CCDC171: variants seen among roughly 807,000 people sequenced by gnomAD.
CCDC171 encodes the protein coiled-coil domain-containing protein 171.
In CCDC171, 177 loss-of-function variants were observed where a neutral mutation model predicts 168.2. The observed-to-expected ratio is 1.05, with a 90% CI of 0.93 to 1.19. The LOEUF (loss-of-function observed/expected upper bound fraction) is 1.19. Ranked by LOEUF, CCDC171 falls within the 50% of genes most tolerant of loss-of-function variation. The probability of loss-of-function intolerance (pLI) is 0.00; values close to 1 mark genes in which losing one functional copy is unlikely to be tolerated. For synonymous variants in CCDC171, 687 were observed against 540.8 expected (o/e 1.27, Z -3.75); for missense variants, 1,991 against 1,539.0 (o/e 1.29, Z -4.91).
chr9:16,001,263 T>C (rs768740700), intron 3 of CCDC171, among the ~76,000 whole-genome samples: 2 of 152,122 alleles, frequency 1.3e-5, no homozygotes, highest in Admixed American at 6.6e-5. Context: ...AAAATTTATC[T>C]GTGACCAAAT....
chr9:15,752,756 G>C (rs2055842849), intron 18 of CCDC171, among the ~76,000 whole-genome samples: 2 of 152,124 alleles, frequency 1.3e-5, no homozygotes, highest in Non-Finnish European at 2.9e-5. Context: ...TGTGGGCTGG[G>C]AGAGGGATAG....
intron 6 of CCDC171, among the ~76,000 whole-genome samples, chr9:15,613,379 A>G (rs1271517171): frequency 6.6e-6 from 1 of 152,198 alleles, no homozygotes; most frequent in Non-Finnish European, 1.5e-5. Flanking sequence ...TTCTTGGAGC[A>G]TATTTCTGGT....
intron 18 of CCDC171, among the ~76,000 whole-genome samples, chr9:15,766,921 C>G (rs1326335641): frequency 2.0e-5 from 3 of 152,150 alleles, no homozygotes; most frequent in Non-Finnish European, 4.4e-5. Context: ...CTTGGCCTCA[C>G]AAAGTACTAG....
At chr9:15,748,639 A>G (rs1346165090) in intron 18 of CCDC171, among the ~76,000 whole-genome samples, 1 of 152,216 alleles carries the variant, frequency 6.6e-6, no homozygotes, top group Non-Finnish European at 1.5e-5. Flanking sequence ...CAGAAACCCT[A>G]CAGCCAGAAG....
chr9:15,955,194 C>T (rs554616147), intron 25 of CCDC171, among the ~76,000 whole-genome samples: 8 of 152,220 alleles, frequency 5.3e-5, no homozygotes, highest in African/African-American at 1.9e-4. Context: ...GCACCTTTCC[C>T]TGGGCTTGTG....
At chr9:15,904,318 A>G (rs1470979970) in intron 24 of CCDC171, among the ~76,000 whole-genome samples, 2 of 152,218 alleles carry the variant, frequency 1.3e-5, no homozygotes, top group African/African-American at 4.8e-5. Flanking sequence ...TCAGACTAAC[A>G]GTGGATCTCT....
At chr9:15,650,405 A>G (rs1334677281) in intron 7 of CCDC171, among the ~76,000 whole-genome samples, 1 of 152,146 alleles carries the variant, frequency 6.6e-6, no homozygotes, top group Non-Finnish European at 1.5e-5. Context: ...TAATAAAAAA[A>G]AGAAAAAAAA....
chr9:15,652,674 C>T (rs1210870479), intron 7 of CCDC171, among the ~76,000 whole-genome samples: 1 of 152,168 alleles, frequency 6.6e-6, no homozygotes, highest in Non-Finnish European at 1.5e-5. Flanking sequence ...CTTCTGTGCT[C>T]AAGCTGTCCA....
intron 25 of CCDC171, among the ~76,000 whole-genome samples, chr9:15,962,583 T>G (rs1830451051): frequency 6.6e-6 from 1 of 152,160 alleles, no homozygotes; most frequent in Non-Finnish European, 1.5e-5. Flanking sequence ...CAATGTCTTA[T>G]TTTCCATTTT....
chr9:16,025,432 C>T (rs1484223580), intron 6 of CCDC171, among the ~76,000 whole-genome samples: 2 of 152,118 alleles, frequency 1.3e-5, no homozygotes, highest in East Asian at 3.9e-4. Context: ...GCAGCCTAGC[C>T]TGGGTGACAG....
chr9:16,023,358 A>G (rs1367571576), intron 6 of CCDC171, among the ~76,000 whole-genome samples: 1 of 152,220 alleles, frequency 6.6e-6, no homozygotes, highest in Non-Finnish European at 1.5e-5. Flanking sequence ...AGGAATAAAG[A>G]ATTTTTCTCA....
chr9:15,783,668 G>C (rs1307625214), intron 20 of CCDC171, among the ~76,000 whole-genome samples: 1 of 151,980 alleles, frequency 6.6e-6, no homozygotes, highest in Non-Finnish European at 1.5e-5. Context: ...TAAATGTTTT[G>C]AACAGGAGAT....
At chr9:15,568,776 G>A (rs1445895791) in intron 2 of CCDC171, among the ~76,000 whole-genome samples, 6 of 151,846 alleles carry the variant, frequency 4.0e-5, no homozygotes, top group African/African-American at 1.5e-4. Context: ...ATTTGTTTAA[G>A]TTGCTTATAG....
chr9:15,897,906 G>T (rs1033481817), intron 24 of CCDC171, among the ~76,000 whole-genome samples: 1 of 152,272 alleles, frequency 6.6e-6, no homozygotes, highest in South Asian at 2.1e-4. Flanking sequence ...GACAGGCATG[G>T]ATTTGAATCC....
At chr9:15,969,008 G>T (rs1265972200) in intron 25 of CCDC171, among the ~76,000 whole-genome samples, 1 of 152,104 alleles carries the variant, frequency 6.6e-6, no homozygotes, top group African/African-American at 2.4e-5. Flanking sequence ...TACTTTTGGG[G>T]GGTACAAGAC....
chr9:15,884,545 A>G (rs1446952809), intron 24 of CCDC171, among the ~76,000 whole-genome samples: 3 of 152,174 alleles, frequency 2.0e-5, no homozygotes, highest in Non-Finnish European at 4.4e-5. Context: ...TTAACAGCAT[A>G]GTATTTGGAA....
the CCDC171 span, among the ~76,000 whole-genome samples, chr9:16,096,148 G>A: frequency 1.3e-5 from 2 of 152,008 alleles, no homozygotes; most frequent in Admixed American, 6.5e-5. Flanking sequence ...ATTACTTGGG[G>A]CATTTAATGA....
intron 21 of CCDC171, among the ~76,000 whole-genome samples, chr9:15,797,936 C>A (rs542180990): frequency 6.6e-6 from 1 of 152,040 alleles, no homozygotes; most frequent in African/African-American, 2.4e-5. Context: ...GTATTAAATC[C>A]TCTGTGTATG....
At chr9:16,033,958 C>A (rs754226191) in intron 6 of CCDC171, among the ~76,000 whole-genome samples, 18 of 152,160 alleles carry the variant, frequency 1.2e-4, no homozygotes, top group Non-Finnish European at 2.4e-4. Flanking sequence ...ATGGTGTCTT[C>A]CAGCCTGAGG....
Sources: gnomAD v4.1 joint callset for allele counts (sites outside exome capture counted in the v4.1 genomes callset) on GRCh38, gnomAD v4.1.1 for gene constraint, MANE v1.5 for transcripts, NCBI Gene and HGNC (gene_info 2026-07-23, HGNC 2026-07-21) for gene names.